The following TMEFF2 variants were observed in gnomAD, a reference collection of about 807,000 sequenced individuals.
The protein encoded by TMEFF2 is tomoregulin-2.
Under a neutral mutation model 53.8 loss-of-function variants are expected in TMEFF2, and 28 were observed. That is an observed-to-expected ratio of 0.52 (90% CI 0.39 to 0.71). The LOEUF is 0.71. TMEFF2 is among the 30% of genes least tolerant of loss of function. The pLI is 0.00. For synonymous variants in TMEFF2, 162 were observed against 166.3 expected, an observed-to-expected ratio of 0.97 and a Z score of 0.20; for missense variants, 353 against 455.2, an observed-to-expected ratio of 0.78 and a Z score of 2.04.
chr2:192,109,182 G>A (rs1191143399), intron 4 of TMEFF2, among the ~76,000 whole-genome samples: 2 of 151,922 alleles, frequency 1.3e-5, no homozygotes, highest in African/African-American at 4.8e-5. Context: ...TATGTCATAC[G>A]CATTTGTCCC....
At chr2:192,182,300 C>T (rs904624972) in intron 3 of TMEFF2, among the ~76,000 whole-genome samples, 5 of 151,726 alleles carry the variant, frequency 3.3e-5, no homozygotes, top group Non-Finnish European at 7.4e-5. Context: ...AGTCAGAACC[C>T]CAATTTATTT....
chr2:191,993,481 G>A (rs1283002338), intron 7 of TMEFF2, among the ~76,000 whole-genome samples: 1 of 151,916 alleles, frequency 6.6e-6, no homozygotes, highest in Non-Finnish European at 1.5e-5. Context: ...TCTCCCCTCC[G>A]AGGACATGAA....
At chr2:191,958,236 C>T (rs898668822) in intron 7 of TMEFF2, among the ~76,000 whole-genome samples, 1 of 152,160 alleles carries the variant, frequency 6.6e-6, no homozygotes, top group Non-Finnish European at 1.5e-5. Flanking sequence ...AATGAACCAG[C>T]TCTGATTTTC....
At chr2:192,188,319 T>A (rs1452221863) in intron 2 of TMEFF2, among the ~76,000 whole-genome samples, 1 of 152,192 alleles carries the variant, frequency 6.6e-6, no homozygotes, top group Non-Finnish European at 1.5e-5. Context: ...ATGCTTGACT[T>A]TGAAACTCAG....
Position 191,949,323 on chromosome 2 carries a change from A to C in TMEFF2, c.*988T>G. 1.0e-6 allele frequency: 1 copy of C among 985,402 alleles called. No individual in the cohort carries two copies. The highest frequency in any genetic ancestry group is 1.1e-4 in the East Asian group (1 of 8,814). 61.0% of individuals were successfully genotyped at this position (985,402 alleles called of 1,614,324 possible). On this transcript the variant is annotated 3_prime_UTR_variant, in exon 10 of 10. Coordinates refer to ENST00000272771, the MANE Select transcript of TMEFF2 (RefSeq NM_016192.4). ...CAAAACATCTCTCTGTTTTCATGAA[A>C]TATCGTCATCATCATCTTAGTTCCA... is the stretch of plus-strand genomic sequence containing the variant.
chr2:192,180,962 G>T (rs916202014), intron 3 of TMEFF2, among the ~76,000 whole-genome samples: 1 of 151,756 alleles, frequency 6.6e-6, no homozygotes, highest in Non-Finnish European at 1.5e-5. Context: ...AATGTGACAG[G>T]ACATATGTCT....
At position 191,949,192 on chromosome 2, in the gene TMEFF2, C is replaced by T; in HGVS notation, c.*1119G>A. 1 of 985,312 alleles carries T rather than the reference C, an allele frequency of 1.0e-6. No homozygotes were observed. Among genetic ancestry groups the T allele is most frequent in the Non-Finnish European group, 1.2e-6 (1 of 829,866 alleles). The allele number at this position is 985,312 out of a possible 1,614,324, so 61.0% of individuals were successfully genotyped here. On this transcript the variant is annotated 3_prime_UTR_variant, in exon 10 of 10. Transcript: ENST00000272771. ...TTTTTTCCAGATCAAGTTGTGATAC[C>T]TATTTGTATGCACAAATCAAACAAA...
intron 4 of TMEFF2, among the ~76,000 whole-genome samples, chr2:192,099,660 G>A (rs1033847077): frequency 6.6e-6 from 1 of 152,086 alleles, no homozygotes; most frequent in East Asian, 1.9e-4. Flanking sequence ...TCAGTTTTTT[G>A]GTATTGATTT....
At chr2:192,048,058 C>G (rs1687666246) in intron 5 of TMEFF2, among the ~76,000 whole-genome samples, 1 of 152,036 alleles carries the variant, frequency 6.6e-6, no homozygotes, top group African/African-American at 2.4e-5. Flanking sequence ...TGTCTAATCT[C>G]TTGGAGTTAA....
intron 4 of TMEFF2, among the ~76,000 whole-genome samples, chr2:192,156,200 T>A (rs1690503652): frequency 6.6e-6 from 1 of 152,036 alleles, no homozygotes; most frequent in Admixed American, 6.6e-5. Flanking sequence ...TTTTATCCAT[T>A]AATTCTGTAG....
chr2:192,121,267 A>C (rs1032374248), intron 4 of TMEFF2, among the ~76,000 whole-genome samples: 14 of 152,180 alleles, frequency 9.2e-5, no homozygotes, highest in African/African-American at 3.4e-4. Context: ...CAGATGCCAT[A>C]GTTTGAAAAG....
chr2:192,058,234 C>T (rs1253934923), intron 4 of TMEFF2, among the ~76,000 whole-genome samples: 1 of 151,964 alleles, frequency 6.6e-6, no homozygotes, highest in East Asian at 1.9e-4. Context: ...GATGAGCATC[C>T]CTGATTTATT....
intron 4 of TMEFF2, among the ~76,000 whole-genome samples, chr2:192,167,124 A>G (rs1690788327): frequency 1.3e-5 from 2 of 152,150 alleles, no homozygotes; most frequent in African/African-American, 4.8e-5. Flanking sequence ...ACCGGAGTAG[A>G]AGAAGGCTGT....
intron 7 of TMEFF2, among the ~76,000 whole-genome samples, chr2:191,976,943 T>G (rs1337403636): frequency 6.6e-6 from 1 of 152,250 alleles, no homozygotes; most frequent in East Asian, 1.9e-4. Context: ...TTTATGCCTG[T>G]CTGGCACACA....
intron 5 of TMEFF2, among the ~76,000 whole-genome samples, chr2:192,014,879 A>C (rs1355437657): frequency 1.3e-5 from 2 of 152,214 alleles, no homozygotes; most frequent in Non-Finnish European, 2.9e-5. Context: ...CTACAACAGA[A>C]GGATGTTAAA....
intron 5 of TMEFF2, among the ~76,000 whole-genome samples, chr2:192,041,716 T>C (rs1018976955): frequency 3.3e-5 from 5 of 152,184 alleles, no homozygotes; most frequent in African/African-American, 1.2e-4. Flanking sequence ...AACCCAAATG[T>C]TCCTCAACTG....
rs139573098 is a variant in TMEFF2, at chr2:191,993,761, A to G, written c.745+4501T>C. ...CTTGAGTTATACATATTTTAATTCT[A>G]TGCTCTAGGATGTTGTCAAAAATTG... is the stretch of plus-strand genomic sequence containing the variant. On this transcript the variant is annotated intron_variant, in intron 7 of 9. Transcript: ENST00000272771. Among the ~76,000 whole-genome samples, 990 of 152,152 alleles carry G rather than the reference A, an allele frequency of 6.5e-3. 11 individuals are homozygous for G. The highest frequency in any genetic ancestry group is 0.022 in the African/African-American group (903 of 41,524).
chr2:191,988,813 T>C (rs1686038625), intron 7 of TMEFF2, among the ~76,000 whole-genome samples: 1 of 152,152 alleles, frequency 6.6e-6, no homozygotes, highest in Admixed American at 6.6e-5. Flanking sequence ...TTTTGTTTTT[T>C]TGAAAATCAT....
chr2:191,969,208 G>GTGAA (rs1261164407), intron 7 of TMEFF2, among the ~76,000 whole-genome samples: 2 of 151,862 alleles, frequency 1.3e-5, no homozygotes, highest in African/African-American at 4.8e-5. Context: ...CTGACACAAA[G>GTGAA]TGTTCAATAT....
Sources: gnomAD v4.1 joint callset for allele counts (sites outside exome capture counted in the v4.1 genomes callset) on GRCh38, gnomAD v4.1.1 for gene constraint, MANE v1.5 for transcripts, NCBI Gene and HGNC (gene_info 2026-07-23, HGNC 2026-07-21) for gene names.